The following PRR19 variants were observed in gnomAD, a reference collection of about 807,000 sequenced individuals.
PRR19 encodes proline rich 19, also known as proline-rich protein 19.
In PRR19, 9 loss-of-function variants were observed where a neutral mutation model predicts 19.2. The ratio of observed to expected loss-of-function variants is 0.47; its 90% CI spans 0.28 to 0.82. The LOEUF (loss-of-function observed/expected upper bound fraction) is 0.82, where lower values mean the gene tolerates loss of function less well. Among genes scored for constraint, PRR19 ranks in the 40% least tolerant of loss-of-function variants. PRR19 has a pLI of 0.11. For synonymous variants in PRR19, 190 were observed against 191.0 expected (o/e 0.99, Z 0.04); for missense variants, 457 against 466.0 (o/e 0.98, Z 0.18).
At chr19:42,303,611 G>T (rs2038673789) in intron 1 of PRR19, 5 of 152,200 alleles carry the variant, frequency 3.3e-5, no homozygotes, top group Admixed American at 3.3e-4. Context: ...TTGATACTGA[G>T]ACAGAGATGA....
At chr19:42,306,013 A>C (rs561917445) in intron 1 of PRR19, among the ~76,000 whole-genome samples, 2 of 151,756 alleles carry the variant, frequency 1.3e-5, no homozygotes, top group Non-Finnish European at 1.5e-5. Context: ...CTGAATATAC[A>C]GTCGTGAGCC....
chr19:42,306,991 G>C (rs2038714560), intron 1 of PRR19: 1 of 152,310 alleles, frequency 6.6e-6, no homozygotes, highest in African/African-American at 2.4e-5. Context: ...GACTTCGAGA[G>C]CTGGGGTCAC....
Position 42,310,001 on chromosome 19 carries a change from A to C in PRR19, c.417A>C (p.Pro139=). The change falls in exon 2 of 3, where the codon CCA becomes CCC. Residue 139 remains proline, a synonymous_variant. Transcript: ENST00000341747. ...GGSGPGPPSS[P]ELSGVGQLLA... ...CGGGCCCAGGCCCACCCAGTTCCCC[A>C]GAGTTGTCTGGCGTGGGGCAGCTGC... 6.2e-7 allele frequency: 1 copy of C among 1,614,004 alleles called. No individual in the cohort carries two copies.
At chr19:42,307,608 G>A (rs1482879360) in intron 1 of PRR19, among the ~76,000 whole-genome samples, 3 of 151,614 alleles carry the variant, frequency 2.0e-5, no homozygotes, top group African/African-American at 7.3e-5. Flanking sequence ...GCTAATTTTT[G>A]TATTTTTAGT....
chr19:42,303,117 A>AGTACATAT (rs2038667275), intron 1 of PRR19, among the ~76,000 whole-genome samples: 1 of 147,514 alleles, frequency 6.8e-6, no homozygotes, highest in African/African-American at 2.5e-5. Flanking sequence ...TGAAATCTAA[A>AGTACATAT]GTACATATCT....
chr19:42,309,340 C>G, intron 1 of PRR19: 1 of 329,384 alleles, frequency 3.0e-6, no homozygotes, highest in Non-Finnish European at 5.5e-6. Flanking sequence ...TCCCAAAGTA[C>G]TAGGATTATA....
At chr19:42,309,490 TA>T in intron 1 of PRR19, 88 bp from the exon 2 acceptor site, 1 of 1,027,176 alleles carries the variant, frequency 9.7e-7, no homozygotes, top group Non-Finnish European at 1.4e-6. Flanking sequence ...ATTACAGGCA[TA>T]AGCCACCGCG....
Position 42,302,321 on chromosome 19 carries a change from A to G in PRR19, c.-189A>G, listed in dbSNP as rs1328201398. On this transcript the variant is annotated 5_prime_UTR_variant, in exon 1 of 3. Transcript: ENST00000341747. ...TCCTCTCCACTCATCTTGGCGCCGC[A>G]GCTCCTGCAGGATGAGCGAGTCGGG... The G allele has an allele frequency of 6.3e-7, 1 of 1,594,606 alleles. No individual in the cohort carries two copies.
intron 1 of PRR19, among the ~76,000 whole-genome samples, chr19:42,304,306 C>G (rs1191337913): frequency 4.0e-5 from 6 of 151,622 alleles, no homozygotes; most frequent in Non-Finnish European, 8.8e-5. Context: ...GTCTTAATTA[C>G]AAAAATAAAC....
chr19:42,309,437 T>C, intron 1 of PRR19, 142 bp from the exon 2 acceptor site: 1 of 630,060 alleles, frequency 1.6e-6, no homozygotes, highest in Non-Finnish European at 2.8e-6. Context: ...TAAAGTGACC[T>C]GGCCTAAGTG....
At position 42,310,339 on chromosome 19, in the gene PRR19, G is replaced by C. The variant is rs1361860458; in HGVS notation, c.670G>C (p.Glu224Gln). The C allele has an allele frequency of 1.9e-6, 3 of 1,614,180 alleles. No homozygotes were observed. Among genetic ancestry groups the C allele is most frequent in the Admixed American group, 1.7e-5 (1 of 60,028 alleles). The change falls in exon 3 of 3, where the codon GAG becomes CAG. Residue 224 changes from glutamate (E) to glutamine (Q), a missense_variant. Glu to Gln is a conservative substitution (Grantham distance 29). Transcript: ENST00000341747. ...GATTAATAGCCCTGATCAAGTCCCA[G>C]AGCAGGAGAGGCAAAGGAAGCAACA... Reference protein sequence around the residue: ...FWINSPDQVPEQERQRKQQGT... With the variant: ...FWINSPDQVPQQERQRKQQGT...
chr19:42,308,334 C>T (rs187737988), intron 1 of PRR19, among the ~76,000 whole-genome samples: 298 of 151,858 alleles, frequency 2.0e-3, no homozygotes, highest in Non-Finnish European at 3.3e-3. Context: ...TCAAGTGATC[C>T]TCCTACCTCA....
At chr19:42,308,002 C>T (rs1413902598) in intron 1 of PRR19, among the ~76,000 whole-genome samples, 4 of 151,900 alleles carry the variant, frequency 2.6e-5, no homozygotes, top group African/African-American at 7.3e-5. Flanking sequence ...GGTGATCCGC[C>T]CGCCTCGGCC....
Position 42,310,364 on chromosome 19 carries a change from A to C in PRR19, c.695A>C (p.Gln232Pro), listed in dbSNP as rs1599968711. ...VPEQERQRKQ[Q>P]GTKEFTFPMP... ...GAGCAGGAGAGGCAAAGGAAGCAAC[A>C]AGGGACAAAGGAGTTCACCTTCCCC... is the stretch of plus-strand genomic sequence containing the variant. Residue 232 changes from glutamine (Q) to proline (P), a missense_variant, in exon 3 of 3, where the codon CAA becomes CCA. By Grantham distance (76) the Gln-to-Pro change is moderately conservative. Coordinates refer to ENST00000341747, the MANE Select transcript of PRR19 (RefSeq NM_199285.3). The C allele has an allele frequency of 1.9e-6, 3 of 1,614,066 alleles. No homozygotes were observed. Among genetic ancestry groups the C allele is most frequent in the East Asian group, 2.2e-5 (1 of 44,878 alleles).
intron 2 of PRR19, 26 bp downstream of exon 2, chr19:42,310,211 T>A (rs771048912): frequency 6.2e-7 from 1 of 1,613,904 alleles, no homozygotes; most frequent in South Asian, 1.1e-5. Context: ...GCCCCTGTAC[T>A]CCCCTTTCCT....
At position 42,302,481 on chromosome 19, in the gene PRR19, G is replaced by A. The variant is rs2038651923; in HGVS notation, c.-29G>A. ...ATACAGGGCGCCGCCTCCTCTCCAG[G>A]GACGGAAGCCTTCACTTAGGAGGTA... is the stretch of plus-strand genomic sequence containing the variant. On this transcript the variant is annotated 5_prime_UTR_variant, in exon 1 of 3. Coordinates refer to ENST00000341747, the MANE Select transcript of PRR19 (RefSeq NM_199285.3). The A allele has an allele frequency of 8.4e-6, 5 of 597,500 alleles. No homozygotes were observed. In the Admixed American group the frequency reaches 1.3e-4, roughly 16 times the overall value. 37.0% of individuals were successfully genotyped at this position (597,500 alleles called of 1,614,324 possible).
intron 1 of PRR19, among the ~76,000 whole-genome samples, chr19:42,304,114 CAA>C (rs547018745): frequency 1.9e-4 from 22 of 113,430 alleles, no homozygotes; most frequent in African/African-American, 4.3e-4. Flanking sequence ...ACTAAATATA[CAA>C]AAAAAAAAAA....
chr19:42,304,568 G>A (rs993320312), intron 1 of PRR19, among the ~76,000 whole-genome samples: 1 of 150,926 alleles, frequency 6.6e-6, no homozygotes, highest in Non-Finnish European at 1.5e-5. Context: ...GGCTAACACG[G>A]TGAAACCCCG....
chr19:42,310,535 T>C lies in PRR19; in HGVS notation c.866T>C (p.Ile289Thr). 1 of 1,614,204 alleles carries C rather than the reference T, an allele frequency of 6.2e-7. No homozygotes were observed. The highest frequency in any genetic ancestry group is 8.5e-7 in the Non-Finnish European group (1 of 1,180,036). ...PPTAFDLLKS[I>T]WLVATPPPPR... is the part of the protein sequence containing the mutation. ...ACAGCGTTTGACTTGTTAAAAAGCA[T>C]CTGGCTGGTAGCCACGCCACCCCCT... Residue 289 changes from isoleucine to threonine, a missense_variant, in exon 3 of 3, where the codon ATC (isoleucine) becomes ACC (threonine). Transcript: ENST00000341747.
Sources: gnomAD v4.1 joint callset for allele counts (sites outside exome capture counted in the v4.1 genomes callset) on GRCh38, gnomAD v4.1.1 for gene constraint, MANE v1.5 for transcripts, NCBI Gene and HGNC (gene_info 2026-07-23, HGNC 2026-07-21) for gene names.